The following PIP5K1C variants were observed in gnomAD, a reference collection of about 807,000 sequenced individuals.
PIP5K1C encodes the protein phosphatidylinositol 4-phosphate 5-kinase type-1 gamma.
A neutral mutation model predicts 80.1 loss-of-function variants in PIP5K1C; 45 were observed. The observed-to-expected ratio is 0.56, with a 90% CI of 0.44 to 0.72. The LOEUF (loss-of-function observed/expected upper bound fraction) is 0.72, where lower values mean the gene tolerates loss of function less well. PIP5K1C is among the 30% of genes least tolerant of loss of function. PIP5K1C has a pLI of 0.00. For missense variants in PIP5K1C, 753 were observed against 954.6 expected (o/e 0.79, Z 2.78); for synonymous variants, 498 against 420.1 (o/e 1.19, Z -2.27).
intron 14 of PIP5K1C, among the ~76,000 whole-genome samples, chr19:3,642,289 T>G (rs371381399): frequency 2.6e-5 from 4 of 152,234 alleles, no homozygotes; most frequent in Admixed American, 6.5e-5. Flanking sequence ...ACCGCGCCAC[T>G]GCCCCAGTGT....
In PIP5K1C at chr19:3,643,378, C is replaced by A; in HGVS notation, c.1514G>T (p.Arg505Leu). Residue 505 changes from arginine (R) to leucine (L), a missense_variant, in exon 13 of 18, where the codon CGG (arginine) becomes CTG (leucine). Transcript: ENST00000335312. ...RSYPTLEDEG[R>L]PDLLPCTPPS... ...TGGCGTGCAGGGCAGGAGGTCGGGCCGGCCTGAGGGGAGAGGACTGTGGGC... is the reference window on the plus strand; with the variant it reads ...TGGCGTGCAGGGCAGGAGGTCGGGCAGGCCTGAGGGGAGAGGACTGTGGGC... 1.2e-6 allele frequency: 2 copies of A among 1,613,388 alleles called. No homozygotes were observed. The highest frequency in any genetic ancestry group is 1.7e-6 in the Non-Finnish European group (2 of 1,179,900).
intron 1 of PIP5K1C, among the ~76,000 whole-genome samples, chr19:3,678,637 TGGA>T (rs1568350781): frequency 1.7e-5 from 1 of 60,414 alleles, no homozygotes; most frequent in Non-Finnish European, 3.1e-5. Context: ...GATGGAAGGA[TGGA>T]GGGAGAGATG....
intron 1 of PIP5K1C, among the ~76,000 whole-genome samples, chr19:3,670,603 C>A (rs986373468): frequency 1.3e-5 from 2 of 152,378 alleles, no homozygotes; most frequent in South Asian, 2.1e-4. Flanking sequence ...CCAAGCCCCC[C>A]AGTCCCGGGG....
At chr19:3,690,936 C>T (rs1045069996) in intron 1 of PIP5K1C, among the ~76,000 whole-genome samples, 2 of 152,144 alleles carry the variant, frequency 1.3e-5, no homozygotes, top group Admixed American at 1.3e-4. Flanking sequence ...TGAGGCAGCT[C>T]AGAGCCAGCC....
Position 3,637,637 on chromosome 19 carries a change from C to T in PIP5K1C, c.1920+1247G>A. ...AACTGGACGGGGCGGGCCGGGTGGG[C>T]CGGAGGAGGAAGGAAAACAGAGGAC... is the stretch of plus-strand genomic sequence containing the variant. On this transcript the variant is annotated intron_variant, in intron 16 of 17. Coordinates refer to ENST00000335312, the MANE Select transcript of PIP5K1C (RefSeq NM_012398.3). This position sits in a 1 kb window ranked among gnomAD's most constrained non-coding sequence, Gnocchi z 7.0. 6.6e-7 allele frequency: 1 copy of T among 1,515,296 alleles called. No homozygotes were observed. Among genetic ancestry groups the T allele is most frequent in the Non-Finnish European group, 8.8e-7 (1 of 1,134,214 alleles). The allele number at this position is 1,515,296 out of a possible 1,614,324, so 93.9% of individuals were successfully genotyped here.
At position 3,688,835 on chromosome 19, in the gene PIP5K1C, C is replaced by CA. The variant is rs1439745031; in HGVS notation, c.94+11461dup. ...CCACACCCACGTCGCCATGGCCCCC[C>CA]ACCCCGTTTTTGAGCCCCCACACAG... On this transcript the variant is annotated intron_variant, in intron 1 of 17. Coordinates refer to ENST00000335312, the MANE Select transcript of PIP5K1C (RefSeq NM_012398.3). This position sits in a 1 kb window ranked among gnomAD's most constrained non-coding sequence, Gnocchi z 5.3. Among the ~76,000 whole-genome samples the CA allele has an allele frequency of 1.3e-5, 2 of 152,120 alleles. No homozygotes were observed. The highest frequency in any genetic ancestry group is 2.9e-5 in the Non-Finnish European group (2 of 68,022).
chr19:3,666,963 C>T (rs1363439737), intron 2 of PIP5K1C, among the ~76,000 whole-genome samples: 1 of 152,210 alleles, frequency 6.6e-6, no homozygotes, highest in Non-Finnish European at 1.5e-5. Context: ...CCATTCCTGC[C>T]CCCAGTCCCC....
At chr19:3,639,912 C>T (rs2033892756) in intron 15 of PIP5K1C, among the ~76,000 whole-genome samples, 1 of 152,174 alleles carries the variant, frequency 6.6e-6, no homozygotes, top group African/African-American at 2.4e-5. Flanking sequence ...CACGGTGCAT[C>T]GTGTTCATCC....
At chr19:3,666,993 C>G (rs2035034420) in intron 2 of PIP5K1C, among the ~76,000 whole-genome samples, 1 of 151,718 alleles carries the variant, frequency 6.6e-6, no homozygotes, top group African/African-American at 2.4e-5. Flanking sequence ...CTGCTCTCTC[C>G]CCACCGCCCA....
intron 16 of PIP5K1C, chr19:3,636,761 G>A (rs1265069276): frequency 2.3e-5 from 23 of 986,444 alleles, no homozygotes; most frequent in South Asian, 9.4e-5. Flanking sequence ...GAGTCACGGC[G>A]GCCTCGGCGG....
At position 3,667,390 on chromosome 19, in the gene PIP5K1C, C is replaced by A. The variant is rs200245078; in HGVS notation, c.95-37G>T. Reference sequence around the variant, plus strand: ...ACAAGCTGGGTATCAGACAGGAAACCGGTGACCTCTGGGAGTCCTGGGCCC... The same window carrying A: ...ACAAGCTGGGTATCAGACAGGAAACAGGTGACCTCTGGGAGTCCTGGGCCC... On this transcript the variant is annotated intron_variant, in intron 1 of 17. Transcript: ENST00000335312. The A allele has an allele frequency of 9.1e-5, 147 of 1,612,458 alleles. 1 individual carries two copies. In the East Asian group the frequency reaches 3.3e-3, roughly 36 times the overall value.
At chr19:3,636,689 T>A in intron 16 of PIP5K1C, 1 of 985,698 alleles carries the variant, frequency 1.0e-6, no homozygotes, top group Non-Finnish European at 1.2e-6. Context: ...TCTCCACCTC[T>A]TGGGGTCACT....
chr19:3,681,104 C>T (rs1486107167), intron 1 of PIP5K1C, among the ~76,000 whole-genome samples: 3 of 152,088 alleles, frequency 2.0e-5, no homozygotes, highest in South Asian at 2.1e-4. Context: ...CACACAAGAA[C>T]CCGGAGTCAA....
At chr19:3,656,235 C>T (rs2145461816) in intron 6 of PIP5K1C, among the ~76,000 whole-genome samples, 170 bp downstream of exon 6, 2 of 152,310 alleles carry the variant, frequency 1.3e-5, no homozygotes, top group Middle Eastern at 6.8e-3. Flanking sequence ...AACACTGGTG[C>T]TGGTGAAGCC....
chr19:3,660,380 G>C (rs1006471796), intron 5 of PIP5K1C, among the ~76,000 whole-genome samples: 1 of 142,700 alleles, frequency 7.0e-6, no homozygotes, highest in African/African-American at 2.6e-5. Flanking sequence ...ACTCTGTCTC[G>C]AAAAAAAAAA....
In PIP5K1C at chr19:3,637,850, TGGCCCCCA is replaced by T. The variant is rs1568308642; in HGVS notation, c.1920+1026_1920+1033del. 1.3e-6 allele frequency: 2 copies of T among 1,535,094 alleles called. No homozygotes were observed. Among genetic ancestry groups the T allele is most frequent in the Non-Finnish European group, 1.7e-6 (2 of 1,146,670 alleles). ...CAGGACACAGACACACAGCACGACA[TGGCCCCCA>T]GGCCCCCCGTACCATCCGGAGACCA... On this transcript the variant is annotated intron_variant, in intron 16 of 17. Coordinates refer to ENST00000335312, the MANE Select transcript of PIP5K1C (RefSeq NM_012398.3). The surrounding 1 kb of genome is among the most constrained non-coding windows in gnomAD (Gnocchi z 7.0).
At chr19:3,694,211 CAAAAA>C (rs1175485721) in intron 1 of PIP5K1C, among the ~76,000 whole-genome samples, 1 of 57,494 alleles carries the variant, frequency 1.7e-5, no homozygotes, top group Non-Finnish European at 3.5e-5. Flanking sequence ...GACTCCATCT[CAAAAA>C]AAAAAAAAAA....
chr19:3,636,804 G>A, intron 16 of PIP5K1C: 1 of 987,590 alleles, frequency 1.0e-6, no homozygotes. Flanking sequence ...TCCTGCTTTG[G>A]GTCTGCGCCC....
Position 3,647,339 on chromosome 19 carries a change from C to T in PIP5K1C, c.1259G>A (p.Gly420Glu). ...EHTWKALVHDGDTVSVHRPSF... is the reference protein window; with the variant it reads ...EHTWKALVHDEDTVSVHRPSF... ...TGGGAGGAGGGTGCAGGCGCTCACC[C>T]CATCGTGGACGAGGGCCTTCCAGGT... The change falls in exon 10 of 18, where the codon GGG (glycine) becomes GAG (glutamate). Residue 420 changes from glycine to glutamate, a missense_variant and splice_region_variant. By Grantham distance (98) the Gly-to-Glu change is moderately conservative (BLOSUM62 -2). This residue lies in a region of PIP5K1C where 114 missense variants were observed against 152.4 expected (regional missense o/e 0.75). Transcript: ENST00000335312. The T allele has an allele frequency of 6.3e-7, 1 of 1,574,814 alleles. No homozygotes were observed. The highest frequency in any genetic ancestry group is 8.6e-7 in the Non-Finnish European group (1 of 1,159,180).
Sources: gnomAD v4.1 joint callset for allele counts (sites outside exome capture counted in the v4.1 genomes callset) on GRCh38, gnomAD v4.1.1 for gene constraint, gnomAD v4.1.1 regional missense constraint, Gnocchi (gnomAD v3.1) non-coding constraint, MANE v1.5 for transcripts, NCBI Gene and HGNC (gene_info 2026-07-23, HGNC 2026-07-21) for gene names.